The following NFATC3 variants were observed in gnomAD, a reference collection of about 807,000 sequenced individuals.
The protein encoded by NFATC3 is nuclear factor of activated T cells 3.
Under a neutral mutation model 98.6 loss-of-function variants are expected in NFATC3, and 46 were observed. That is an observed-to-expected ratio of 0.47 (90% CI 0.37 to 0.60). The LOEUF (loss-of-function observed/expected upper bound fraction) is 0.60. NFATC3 is among the 20% of genes least tolerant of loss of function. NFATC3 has a pLI of 0.00. For synonymous variants in NFATC3, 512 were observed against 472.2 expected (o/e 1.08, Z -1.09); for missense variants, 1,256 against 1,295.5 (o/e 0.97, Z 0.47).
intron 9 of NFATC3, among the ~76,000 whole-genome samples, chr16:68,204,855 G>A (rs1333516011): frequency 1.3e-5 from 2 of 152,216 alleles, no homozygotes; most frequent in Non-Finnish European, 2.9e-5. Flanking sequence ...AGGTTCAGCA[G>A]TTGAACAAGC....
intron 9 of NFATC3, among the ~76,000 whole-genome samples, chr16:68,222,861 T>G (rs1397832900): frequency 6.6e-6 from 1 of 152,182 alleles, no homozygotes; most frequent in Non-Finnish European, 1.5e-5. Context: ...CACAGAGATT[T>G]GTGGGCCATC....
chr16:68,221,088 C>T lies in NFATC3; in HGVS notation c.3107-5262C>T, dbSNP rs2041847155. 1.0e-5 allele frequency: 12 copies of T among 1,185,960 alleles called. 1 individual carries two copies. In the South Asian group the frequency reaches 1.2e-4, roughly 11 times the overall value. The allele number at this position is 1,185,960 out of a possible 1,614,324, so 73.5% of individuals were successfully genotyped here. On this transcript the variant is annotated intron_variant, in intron 9 of 9. Transcript: ENST00000346183. ...TAAATTAGCAAATTCATGCATATATCCATTCAAGATGACTTGAAAAATTAA... is the reference window on the plus strand; with the variant it reads ...TAAATTAGCAAATTCATGCATATATTCATTCAAGATGACTTGAAAAATTAA...
intron 1 of NFATC3, among the ~76,000 whole-genome samples, chr16:68,108,718 GT>G (rs1282355577): frequency 6.6e-6 from 1 of 152,174 alleles, no homozygotes. Flanking sequence ...AGCATGGAAT[GT>G]TTTTCCATGT....
Position 68,132,213 on chromosome 16 carries a change from T to G in NFATC3, c.1401+5603T>G, listed in dbSNP as rs563425753. Among the ~76,000 whole-genome samples, 12 of 152,312 alleles carry G rather than the reference T, an allele frequency of 7.9e-5. No homozygotes were observed. In the South Asian group the frequency reaches 2.1e-3, roughly 26 times the overall value. On this transcript the variant is annotated intron_variant, in intron 3 of 9. Coordinates refer to ENST00000346183, the MANE Select transcript of NFATC3 (RefSeq NM_173165.3). Reference sequence around the variant, plus strand: ...GGATGTGAGGAAACAGCCAAAAATCTATGGGTAACACCCAAACAAGCAAAA... The same window carrying G: ...GGATGTGAGGAAACAGCCAAAAATCGATGGGTAACACCCAAACAAGCAAAA...
intron 1 of NFATC3, among the ~76,000 whole-genome samples, chr16:68,094,690 A>T (rs2034913248): frequency 2.6e-5 from 4 of 152,334 alleles, no homozygotes; most frequent in Admixed American, 2.6e-4. Flanking sequence ...TACCTAGTAA[A>T]TGTTGGCTGA....
intron 1 of NFATC3, among the ~76,000 whole-genome samples, chr16:68,120,279 C>CAAA (rs564432522): frequency 2.2e-5 from 2 of 90,230 alleles, no homozygotes; most frequent in African/African-American, 4.5e-5. Flanking sequence ...GACCTAGTCT[C>CAAA]AAAAAAAAAA....
chr16:68,145,006 C>T (rs1026202579), intron 3 of NFATC3, among the ~76,000 whole-genome samples: 1 of 152,086 alleles, frequency 6.6e-6, no homozygotes, highest in Non-Finnish European at 1.5e-5. Context: ...GGCAATCTCA[C>T]TATGTTGCCC....
At chr16:68,110,934 G>A (rs1259799882) in intron 1 of NFATC3, among the ~76,000 whole-genome samples, 1 of 152,166 alleles carries the variant, frequency 6.6e-6, no homozygotes, top group African/African-American at 2.4e-5. Flanking sequence ...TCAGGGGCAG[G>A]TTGTTCAATT....
chr16:68,166,960 A>C lies in NFATC3; in HGVS notation c.1719A>C (p.Pro573=). 1 of 1,614,212 alleles carries C rather than the reference A, an allele frequency of 6.2e-7. No homozygotes were observed. Among genetic ancestry groups the C allele is most frequent in the South Asian group, 1.1e-5 (1 of 91,086 alleles). ...GACTTGTGTTTCGTGTACACATCCCACAGCCCAGTGGAAAAGTCCTTTCTC... is the reference window on the plus strand; with the variant it reads ...GACTTGTGTTTCGTGTACACATCCCCCAGCCCAGTGGAAAAGTCCTTTCTC... ...RVRLVFRVHI[P]QPSGKVLSLQ... Residue 573 remains proline, a synonymous_variant, in exon 5 of 10, where the codon CCA becomes CCC. Coordinates refer to ENST00000346183, the MANE Select transcript of NFATC3 (RefSeq NM_173165.3).
intron 1 of NFATC3, among the ~76,000 whole-genome samples, chr16:68,120,995 G>T (rs2036542587): frequency 6.6e-6 from 1 of 151,768 alleles, no homozygotes; most frequent in Non-Finnish European, 1.5e-5. Context: ...TTACCTTTCA[G>T]GCTATGTGAA....
chr16:68,117,723 G>A (rs569510845), intron 1 of NFATC3, among the ~76,000 whole-genome samples: 18 of 152,118 alleles, frequency 1.2e-4, no homozygotes, highest in African/African-American at 3.4e-4. Flanking sequence ...TTGCCACATC[G>A]TCCAGGCTGG....
intron 6 of NFATC3, 80 bp from the exon 7 acceptor site, chr16:68,181,395 G>C: frequency 2.1e-6 from 2 of 934,558 alleles, no homozygotes; most frequent in South Asian, 2.8e-5. Flanking sequence ...ATAAATTTGT[G>C]ATACTATCCA....
chr16:68,182,789 G>T (rs1262523948), intron 7 of NFATC3, among the ~76,000 whole-genome samples: 1 of 152,038 alleles, frequency 6.6e-6, no homozygotes, highest in Non-Finnish European at 1.5e-5. Flanking sequence ...AAAGTGCTGG[G>T]ATTACAAGTA....
At chr16:68,147,400 G>A (rs73614519) in intron 3 of NFATC3, among the ~76,000 whole-genome samples, 1,990 of 151,974 alleles carry the variant, frequency 0.013, 42 homozygotes, top group African/African-American at 0.045. Flanking sequence ...AGTTCTTTTA[G>A]AAATAATGTA....
rs920430905 is a variant in NFATC3 at position 68,228,800 on chromosome 16, G to A, written c.*2329G>A. 7 of 152,564 alleles carry A rather than the reference G, an allele frequency of 4.6e-5. No individual in the cohort carries two copies. Among genetic ancestry groups the A allele is most frequent in the African/African-American group, 1.2e-4 (5 of 41,576 alleles). 9.5% of individuals were successfully genotyped at this position (152,564 alleles called of 1,614,324 possible). A position where few individuals can be genotyped will look rare whatever the true frequency, so the allele number is the denominator to read the frequency against. On this transcript the variant is annotated 3_prime_UTR_variant, in exon 10 of 10. Transcript: ENST00000346183. The stretch of plus-strand genomic sequence containing the variant: ...GTACGCACCCCCTCCTACTCTAACT[G>A]TGCTAGCTCTTGGGTTGAGGAATGG...
intron 9 of NFATC3, among the ~76,000 whole-genome samples, chr16:68,204,383 G>A (rs1453954285): frequency 6.6e-6 from 1 of 152,106 alleles, no homozygotes; most frequent in African/African-American, 2.4e-5. Flanking sequence ...AAATGGTAAT[G>A]AATTATGGTT....
intron 4 of NFATC3, among the ~76,000 whole-genome samples, chr16:68,164,184 G>C (rs1024186876): frequency 6.6e-6 from 1 of 152,252 alleles, no homozygotes; most frequent in Non-Finnish European, 1.5e-5. Context: ...CGGATCACTC[G>C]TGGTTAGGAG....
rs936414938 is a variant in NFATC3 at position 68,217,758 on chromosome 16, C to T, written c.3107-8592C>T. On this transcript the variant is annotated intron_variant, in intron 9 of 9. Transcript: ENST00000346183. ...ACTTAGTCATGACTGAGTCTTAGCC[C>T]GAGGAAGGGATGGGAAAAAGGGAGG... 2.5e-5 allele frequency: 31 copies of T among 1,231,286 alleles called. No homozygotes were observed. The Admixed American group carries it at 5.1e-4, about 20-fold the overall frequency. The allele number at this position is 1,231,286 out of a possible 1,614,324, so 76.3% of individuals were successfully genotyped here.
intron 2 of NFATC3, among the ~76,000 whole-genome samples, chr16:68,125,353 C>A (rs1440160827): frequency 1.3e-5 from 2 of 152,044 alleles, no homozygotes; most frequent in African/African-American, 4.8e-5. Context: ...TTTTATAATC[C>A]ATGTTTTAAT....
Sources: allele counts gnomAD v4.1 joint callset (sites outside exome capture counted in the v4.1 genomes callset), GRCh38; gene constraint gnomAD v4.1.1; transcripts MANE v1.5; gene names NCBI Gene and HGNC (gene_info 2026-07-23, HGNC 2026-07-21).